MYLK3: variants seen among roughly 807,000 people sequenced by gnomAD.
MYLK3 encodes MLC kinase.
MYLK3 carries 55 observed loss-of-function variants against 76.3 expected under a neutral mutation model. The observed-to-expected ratio is 0.72, with a 90% CI of 0.58 to 0.90. MYLK3 has a LOEUF of 0.90. Ranked by LOEUF, MYLK3 falls within the 40% of genes least tolerant of loss-of-function variation. The pLI, the probability that MYLK3 is intolerant of heterozygous loss-of-function variation, is 0.00. For synonymous variants in MYLK3, 416 were observed against 425.4 expected (o/e 0.98, Z 0.27); for missense variants, 973 against 1,053.6 (o/e 0.92, Z 1.06).
At chr16:46,722,683 T>C (rs1366970730) in intron 8 of MYLK3, among the ~76,000 whole-genome samples, 1 of 151,650 alleles carries the variant, frequency 6.6e-6, no homozygotes, top group Non-Finnish European at 1.5e-5. Flanking sequence ...ATACAAATAA[T>C]ACTGATTTTT....
At chr16:46,736,003 T>TTTG (rs559693345) in intron 3 of MYLK3, among the ~76,000 whole-genome samples, 6 of 151,906 alleles carry the variant, frequency 3.9e-5, no homozygotes, top group African/African-American at 9.7e-5. Flanking sequence ...TCTGGGTTTG[T>TTTG]TTGTTGTTGT....
At chr16:46,728,986 G>A in intron 7 of MYLK3, 38 bp downstream of exon 7, 1 of 1,495,516 alleles carries the variant, frequency 6.7e-7, no homozygotes, top group East Asian at 2.3e-5. Flanking sequence ...CTGAGCCCTG[G>A]CTTGAGCCGA....
chr16:46,730,329 T>G (rs931030294), intron 5 of MYLK3, among the ~76,000 whole-genome samples: 2 of 152,208 alleles, frequency 1.3e-5, no homozygotes, highest in Non-Finnish European at 2.9e-5. Flanking sequence ...CTGTGCCTCC[T>G]CCCATACCCA....
chr16:46,729,511 C>T, intron 6 of MYLK3, 83 bp downstream of exon 6: 1 of 1,256,110 alleles, frequency 8.0e-7, no homozygotes, highest in Non-Finnish European at 1.2e-6. Context: ...ATTTCCAGCT[C>T]AGCATGGGAG....
chr16:46,729,765 C>T (rs1966848823), intron 5 of MYLK3, 78 bp from the exon 6 acceptor site: 1 of 1,257,994 alleles, frequency 7.9e-7, no homozygotes, highest in Non-Finnish European at 1.2e-6. Context: ...CTGGGTCCAA[C>T]TCATCCACAC....
intron 5 of MYLK3, 67 bp downstream of exon 5, chr16:46,730,526 A>T (rs1966850491): frequency 7.5e-7 from 1 of 1,331,810 alleles, no homozygotes; most frequent in Non-Finnish European, 1.1e-6. Context: ...CCAGTTCTCC[A>T]GGTGGTCCCG....
chr16:46,761,354 A>G (rs1415616370), intron 1 of MYLK3, among the ~76,000 whole-genome samples: 1 of 152,190 alleles, frequency 6.6e-6, no homozygotes, highest in Non-Finnish European at 1.5e-5. Context: ...GCTATGGAAC[A>G]TTTTGGGGTG....
chr16:46,759,853 G>T (rs1044799339), intron 1 of MYLK3, among the ~76,000 whole-genome samples: 1 of 152,068 alleles, frequency 6.6e-6, no homozygotes, highest in Non-Finnish European at 1.5e-5. Context: ...GGCTGGTCTC[G>T]AATCCCTGAC....
At chr16:46,730,140 C>G (rs564436723) in intron 5 of MYLK3, among the ~76,000 whole-genome samples, 3 of 149,266 alleles carry the variant, frequency 2.0e-5, no homozygotes, top group Non-Finnish European at 3.0e-5. Flanking sequence ...GAAGGAACAT[C>G]CCCCTCACCG....
At chr16:46,712,803 A>G (rs748148420) in intron 9 of MYLK3, 27 bp from the exon 10 acceptor site, 1 of 1,557,296 alleles carries the variant, frequency 6.4e-7, no homozygotes, top group South Asian at 1.2e-5. Flanking sequence ...GGTACAAAGA[A>G]GCATGGGGTG....
intron 1 of MYLK3, among the ~76,000 whole-genome samples, chr16:46,760,321 C>T (rs1248707993): frequency 1.3e-5 from 2 of 152,202 alleles, no homozygotes; most frequent in Non-Finnish European, 2.9e-5. Context: ...CTCACCTCCC[C>T]GGCTGACAAG....
intron 7 of MYLK3, 101 bp from the exon 8 acceptor site, chr16:46,727,478 C>A: frequency 7.7e-7 from 1 of 1,291,220 alleles, no homozygotes; most frequent in Non-Finnish European, 1.0e-6. Context: ...CGGGTAGGCC[C>A]ACCATCACAC....
intron 1 of MYLK3, among the ~76,000 whole-genome samples, chr16:46,740,551 A>ATT (rs869207639): frequency 1.3e-3 from 165 of 128,368 alleles, no homozygotes; most frequent in African/African-American, 1.9e-3. Context: ...ATATATATAT[A>ATT]TTTTTTTTTT....
intron 5 of MYLK3, 187 bp from the exon 6 acceptor site, chr16:46,729,874 A>G (rs1966848992): frequency 3.2e-6 from 2 of 617,044 alleles, no homozygotes; most frequent in Non-Finnish European, 5.8e-6. Context: ...TCTTCACCCC[A>G]CACCACCCAG....
chr16:46,747,591 C>T lies in MYLK3; in HGVS notation c.477+126G>A, dbSNP rs1967049945. On this transcript the variant is annotated intron_variant, in intron 1 of 12. Transcript: ENST00000394809. ...CCTGTAAGTTTCCAGCTCTCCTTTT[C>T]CCCATCAACAGGTCACACAGGAAGG... is the stretch of plus-strand genomic sequence containing the variant. 4.4e-6 allele frequency: 4 copies of T among 913,258 alleles called. No homozygotes were observed. The Admixed American group carries it at 8.9e-5, about 20-fold the overall frequency. 56.6% of individuals were successfully genotyped at this position (913,258 alleles called of 1,614,324 possible).
chr16:46,747,780 C>T lies in MYLK3; in HGVS notation c.414G>A (p.Ala138=), dbSNP rs759763653. 9 of 1,614,104 alleles carry T rather than the reference C, an allele frequency of 5.6e-6. No individual in the cohort carries two copies. The highest frequency in any genetic ancestry group is 4.4e-5 in the South Asian group (4 of 91,092). ...VGATFQKSKV[A]DFLMQGRVPW... is the part of the protein sequence containing the mutation. ...GCACACGCCCCTGCATGAGGAAATC[C>T]GCCACCTTTGATTTCTGGAACGTGG... Residue 138 remains alanine, a synonymous_variant, in exon 1 of 13, where the codon GCG becomes GCA. Coordinates refer to ENST00000394809, the MANE Select transcript of MYLK3 (RefSeq NM_182493.3).
chr16:46,732,510 G>A lies in MYLK3; in HGVS notation c.1160C>T (p.Thr387Ile). 1 of 1,606,568 alleles carries A rather than the reference G, an allele frequency of 6.2e-7. No individual in the cohort carries two copies. The highest frequency in any genetic ancestry group is 8.5e-7 in the Non-Finnish European group (1 of 1,179,904). ...TTCAGGGGTCTGTTCTCCGGGCTCAGTCCCAGGGGCTTGGAGGCAGCGCCC... is the reference window on the plus strand; with the variant it reads ...TTCAGGGGTCTGTTCTCCGGGCTCAATCCCAGGGGCTTGGAGGCAGCGCCC... Reference protein sequence around the residue: ...GTGRCLQAPGTEPGEQTPEGA... With the variant: ...GTGRCLQAPGIEPGEQTPEGA... The change falls in exon 4 of 13, where the codon ACT (threonine) becomes ATT (isoleucine). Residue 387 changes from threonine (T) to isoleucine (I), a missense_variant. Physicochemically the swap from Thr to Ile is moderately conservative, Grantham distance 89. Transcript: ENST00000394809.
intron 12 of MYLK3, 93 bp downstream of exon 12, chr16:46,709,446 A>AT: frequency 1.4e-6 from 2 of 1,427,698 alleles, no homozygotes; most frequent in Non-Finnish European, 1.9e-6. Flanking sequence ...AAAAGAAGAA[A>AT]AAAAAAAAAA....
chr16:46,756,977 G>A (rs1967208895), intron 1 of MYLK3, among the ~76,000 whole-genome samples: 1 of 152,090 alleles, frequency 6.6e-6, no homozygotes, highest in Non-Finnish European at 1.5e-5. Context: ...TGTGGGGTGA[G>A]GGGCAGGAGG....
Sources: allele counts gnomAD v4.1 joint callset (sites outside exome capture counted in the v4.1 genomes callset), GRCh38; gene constraint gnomAD v4.1.1; transcripts MANE v1.5; gene names NCBI Gene and HGNC (gene_info 2026-07-23, HGNC 2026-07-21).